Variants in GUCY2D observed in about 807,000 individuals in gnomAD.
GUCY2D encodes the protein guanylate cyclase 2D, retinal.
Under a neutral mutation model 101.3 loss-of-function variants are expected in GUCY2D, and 70 were observed. The observed-to-expected ratio is 0.69, with a 90% CI of 0.57 to 0.84. GUCY2D has a LOEUF of 0.84. Ranked by LOEUF, GUCY2D falls within the 40% of genes least tolerant of loss-of-function variation. GUCY2D has a pLI of 0.00. For missense variants in GUCY2D, 1,460 were observed against 1,542.5 expected (o/e 0.95, Z 0.90); for synonymous variants, 688 against 670.7 (o/e 1.03, Z -0.40).
intron 3 of GUCY2D, 118 bp from the exon 4 acceptor site, chr17:8,006,245 G>A (rs1338714789): frequency 5.1e-6 from 4 of 777,864 alleles, no homozygotes; most frequent in Non-Finnish European, 8.9e-6. Flanking sequence ...AGGGATCCTG[G>A]GAACAACTAA....
Position 8,014,144 on chromosome 17 carries a change from AC to A in GUCY2D, c.2412+118del. 1 of 962,106 alleles carries A rather than the reference AC, an allele frequency of 1.0e-6. No individual in the cohort carries two copies. Among genetic ancestry groups the A allele is most frequent in the Non-Finnish European group, 1.7e-6 (1 of 604,310 alleles). The allele number at this position is 962,106 out of a possible 1,614,324, so 59.6% of individuals were successfully genotyped here. A position where few individuals can be genotyped will look rare whatever the true frequency, so the allele number is the denominator to read the frequency against. ...GGCAGGACCTCTGGCCTTCCAGGCT[AC>A]CTCCTAAGGAGTAGCCTGAAGACTC... On this transcript the variant is annotated intron_variant, in intron 12 of 19. Transcript: ENST00000254854. The surrounding 1 kb of genome is among the most constrained non-coding windows in gnomAD (Gnocchi z 4.0).
At chr17:8,015,283 G>A (rs755768308) in intron 14 of GUCY2D, 45 bp from the exon 15 acceptor site, 8 of 1,562,954 alleles carry the variant, frequency 5.1e-6, no homozygotes, top group Middle Eastern at 1.7e-4. Context: ...GTGTACTCGG[G>A]GGGAATGCTC....
chr17:8,016,562 C>T lies in GUCY2D; in HGVS notation c.*24+8C>T, dbSNP rs1424442881. ...AGGCCCGGCCCCGGACAGGTACTGC[C>T]CCCTCAGCCCCAACCCCAGCTGCCG... On this transcript the variant is annotated splice_region_variant and intron_variant, in intron 19 of 19. Coordinates refer to ENST00000254854, the MANE Select transcript of GUCY2D (RefSeq NM_000180.4). The T allele has an allele frequency of 4.4e-6, 6 of 1,370,180 alleles. No individual in the cohort carries two copies. The African/African-American group carries it at 5.7e-5, about 13-fold the overall frequency. The allele number at this position is 1,370,180 out of a possible 1,614,324, so 84.9% of individuals were successfully genotyped here.
chr17:8,015,572 A>G, intron 15 of GUCY2D, 70 bp downstream of exon 15: 1 of 1,426,804 alleles, frequency 7.0e-7, no homozygotes, highest in Non-Finnish European at 9.7e-7. Flanking sequence ...TTTCCTGTAG[A>G]GGAGGCAACT....
Position 8,020,204 on chromosome 17 carries a change from C to T in GUCY2D, c.*101C>T, listed in dbSNP as rs1976048029. 6.6e-6 allele frequency: 1 copy of T among 150,750 alleles called. No individual in the cohort carries two copies. Among genetic ancestry groups the T allele is most frequent in the Non-Finnish European group, 1.5e-5 (1 of 68,070 alleles). 9.3% of individuals were successfully genotyped at this position (150,750 alleles called of 1,614,324 possible). On this transcript the variant is annotated 3_prime_UTR_variant, in exon 20 of 20. Coordinates refer to ENST00000254854, the MANE Select transcript of GUCY2D (RefSeq NM_000180.4). Reference sequence around the variant, plus strand: ...TTTGAGGAGGTGGGGTGAACTGCTCCTTGGCAGGGATTTGTGACACTGCAT... The same window carrying T: ...TTTGAGGAGGTGGGGTGAACTGCTCTTTGGCAGGGATTTGTGACACTGCAT...
In GUCY2D at chr17:8,004,106, C is replaced by T. The variant is rs1431677230; in HGVS notation, c.976C>T (p.Arg326Cys). 1.9e-6 allele frequency: 3 copies of T among 1,601,944 alleles called. No homozygotes were observed. Among genetic ancestry groups the T allele is most frequent in the Non-Finnish European group, 1.7e-6 (2 of 1,179,562 alleles). Residue 326 changes from arginine (R) to cysteine (C), a missense_variant, in exon 3 of 20, where the codon CGC becomes TGC. Transcript: ENST00000254854. ...PSEGSVLDSLRRAQERRELPS... is the reference protein window; with the variant it reads ...PSEGSVLDSLCRAQERRELPS... ...TGAAGGCAGCGTGCTGGACAGCCTG[C>T]GCAGGGCTCAAGAGCGCCGCGAGCT...
chr17:8,013,911 A>C lies in GUCY2D; in HGVS notation c.2295A>C (p.Pro765=). 1 of 1,613,458 alleles carries C rather than the reference A, an allele frequency of 6.2e-7. No homozygotes were observed. Among genetic ancestry groups the C allele is most frequent in the Non-Finnish European group, 8.5e-7 (1 of 1,179,458 alleles). ...EVVQRVRSPP[P]LCRPLVSMDQ... is the part of the protein sequence containing the mutation. ...TGCAGAGGGTGCGGAGCCCCCCTCC[A>C]CTGTGTCGGCCCTTGGTGTCCATGG... The change falls in exon 12 of 20, where the codon CCA becomes CCC. Residue 765 remains proline, a synonymous_variant. Coordinates refer to ENST00000254854, the MANE Select transcript of GUCY2D (RefSeq NM_000180.4). This position sits in a 1 kb window ranked among gnomAD's most constrained non-coding sequence, Gnocchi z 5.0.
Position 8,012,131 on chromosome 17 carries a change from C to CT in GUCY2D, c.1750-12dup, listed in dbSNP as rs970707871. ...CCTGGGCAGAAAATGCAAGTCAACTCTCCCCCTCTCAGCTCCAGGAGCTCC... is the reference window on the plus strand; with the variant it reads ...CCTGGGCAGAAAATGCAAGTCAACTCTTCCCCCTCTCAGCTCCAGGAGCTCC... On this transcript the variant is annotated splice_polypyrimidine_tract_variant and intron_variant, in intron 8 of 19. Transcript: ENST00000254854. 4 of 1,603,312 alleles carry CT rather than the reference C, an allele frequency of 2.5e-6. No individual in the cohort carries two copies. The African/African-American group carries it at 5.4e-5, about 21-fold the overall frequency.
intron 14 of GUCY2D, 59 bp from the exon 15 acceptor site, chr17:8,015,269 C>T: frequency 6.6e-7 from 1 of 1,521,286 alleles, no homozygotes; most frequent in Non-Finnish European, 9.0e-7. Context: ...GAGGCAATCG[C>T]TTCGTGTACT....
At chr17:8,010,821 AAAAAAG>A (rs1487791262) in intron 8 of GUCY2D, among the ~76,000 whole-genome samples, 24 of 151,746 alleles carry the variant, frequency 1.6e-4, no homozygotes, top group African/African-American at 5.6e-4. Context: ...AAAAAAAAAA[AAAAAAG>A]GAAAGGAAAG....
chr17:8,006,428 G>T lies in GUCY2D; in HGVS notation c.1092G>T (p.Ala364=). The change falls in exon 4 of 20, where the codon GCG becomes GCT. Residue 364 remains alanine, a synonymous_variant. Transcript: ENST00000254854. ...TGCTGGCAAGGGGCGTGGCAGAAGC[G>T]CGGGCTGCCGCAGGTGGCAGATGGG... The part of the protein sequence containing the change: ...VFLLARGVAE[A]RAAAGGRWVS... The T allele has an allele frequency of 6.2e-7, 1 of 1,603,348 alleles. No homozygotes were observed. The highest frequency in any genetic ancestry group is 2.2e-5 in the East Asian group (1 of 44,884).
Position 8,018,477 on chromosome 17 carries a change from C to T in GUCY2D, c.*25-1651C>T, listed in dbSNP as rs142368822. On this transcript the variant is annotated intron_variant, in intron 19 of 19. Transcript: ENST00000254854. ...TTAAATCTTAGAATCTCTAAGATCTCATAAAGCCAGGCTACAAACTAGCCA... is the reference window on the plus strand; with the variant it reads ...TTAAATCTTAGAATCTCTAAGATCTTATAAAGCCAGGCTACAAACTAGCCA... Among the ~76,000 whole-genome samples the T allele has an allele frequency of 2.2e-3, 332 of 152,302 alleles. 1 individual carries two copies. The highest frequency in any genetic ancestry group is 7.7e-3 in the African/African-American group (321 of 41,570).
chr17:8,003,291 GC>G lies in GUCY2D; in HGVS notation c.247del (p.Arg83AlafsTer2). On this transcript the variant is annotated frameshift_variant, in exon 2 of 20. Coordinates refer to ENST00000254854, the MANE Select transcript of GUCY2D (RefSeq NM_000180.4). LOFTEE classifies it high-confidence loss of function. Reference protein sequence around the residue: ...RPDLAARLAAARLNRDPGLAG... With the variant: ...RPDLAARLAAXRLNRDPGLAG... ...GGACCTGGCCGCCCGCCTGGCCGCCGCCCGCCTGAACCGCGACCCCGGCCTG... is the reference window on the plus strand; with the variant it reads ...GGACCTGGCCGCCCGCCTGGCCGCCGCCGCCTGAACCGCGACCCCGGCCTG... 6.7e-7 allele frequency: 1 copy of G among 1,492,186 alleles called. No homozygotes were observed. The allele number at this position is 1,492,186 out of a possible 1,614,324, so 92.4% of individuals were successfully genotyped here.
rs765906787 is a variant in GUCY2D at position 8,012,152 on chromosome 17, G to T, written c.1758G>T (p.Glu586Asp). The T allele has an allele frequency of 1.1e-5, 18 of 1,613,008 alleles. No homozygotes were observed. Among genetic ancestry groups the T allele is most frequent in the Non-Finnish European group, 1.5e-5 (18 of 1,179,446 alleles). The stretch of plus-strand genomic sequence containing the variant: ...AACTCTCCCCCTCTCAGCTCCAGGA[G>T]CTCCGGCATGAGAACGTGGCCCTCT... ...ATKTAFSKLQ[E>D]LRHENVALYL... The change falls in exon 9 of 20, where the codon GAG (glutamate) becomes GAT (aspartate). Residue 586 changes from glutamate (E) to aspartate (D), a missense_variant. Physicochemically the swap from Glu to Asp is conservative, Grantham distance 45. Transcript: ENST00000254854.
intron 6 of GUCY2D, 139 bp downstream of exon 6, chr17:8,007,667 G>A (rs1975772636): frequency 4.5e-6 from 3 of 665,502 alleles, no homozygotes; most frequent in Non-Finnish European, 8.2e-6. Context: ...GAAGTCTAGG[G>A]ATCAGCACCC....
chr17:8,016,120 T>C, intron 17 of GUCY2D, 85 bp from the exon 18 acceptor site: 3 of 1,338,486 alleles, frequency 2.2e-6, no homozygotes, highest in South Asian at 1.3e-5. Flanking sequence ...CCTTCTGACC[T>C]GGTCTCCCAG....
At chr17:8,008,131 C>G in intron 7 of GUCY2D, 99 bp downstream of exon 7, 1 of 768,362 alleles carries the variant, frequency 1.3e-6, no homozygotes, top group Non-Finnish European at 2.3e-6. Context: ...GTAGTCATGT[C>G]AAATCCTGCA....
At chr17:8,004,691 C>A (rs189605015) in intron 3 of GUCY2D, among the ~76,000 whole-genome samples, 1 of 152,232 alleles carries the variant, frequency 6.6e-6, no homozygotes, top group Admixed American at 6.5e-5. Context: ...CTAGGGATCC[C>A]CAAGTCCCCA....
chr17:8,006,597 G>T lies in GUCY2D; in HGVS notation c.1261G>T (p.Asp421Tyr), dbSNP rs1308574050. The T allele has an allele frequency of 6.2e-7, 1 of 1,613,440 alleles. No homozygotes were observed. Among genetic ancestry groups the T allele is most frequent in the South Asian group, 1.1e-5 (1 of 91,002 alleles). ...CCGGCTTTTTGCCACATACATGCTG[G>T]ATCCTGCCCGGGGCTCCTTCCTCTC... ...GDRLFATYML[D>Y]PARGSFLSAG... Residue 421 changes from aspartate (D) to tyrosine (Y), a missense_variant, in exon 4 of 20, where the codon GAT becomes TAT. By Grantham distance (160) the Asp-to-Tyr change is radical (BLOSUM62 -3). This residue lies in a region of GUCY2D where 1,196 missense variants were observed against 1,229.6 expected (regional missense o/e 0.97). Transcript: ENST00000254854.
Sources: allele counts gnomAD v4.1 joint callset (sites outside exome capture counted in the v4.1 genomes callset), GRCh38; gene constraint gnomAD v4.1.1; regional missense constraint gnomAD v4.1.1; non-coding constraint Gnocchi (gnomAD v3.1); transcripts MANE v1.5; gene names NCBI Gene and HGNC (gene_info 2026-07-23, HGNC 2026-07-21).